Variants in PCNA observed in about 807,000 individuals in gnomAD.
PCNA encodes the protein DNA sliding clamp PCNA.
A neutral mutation model predicts 27.8 loss-of-function variants in PCNA; 4 were observed. The observed-to-expected ratio is 0.14, with a 90% CI of 0.07 to 0.33. The LOEUF is 0.33. PCNA is among the 10% of genes least tolerant of loss of function. The pLI is 1.00. For missense variants in PCNA, 165 were observed against 327.4 expected (o/e 0.50, Z 3.83); for synonymous variants, 121 against 119.4 (o/e 1.01, Z -0.09).
At position 5,115,432 on chromosome 20, in the gene PCNA, C is replaced by G; in HGVS notation, c.706+17G>C. On this transcript the variant is annotated intron_variant, in intron 5 of 5. Coordinates refer to ENST00000379143, the MANE Select transcript of PCNA (RefSeq NM_182649.2). ...ATATGACTACCTACAAAACAAGGTT[C>G]AAATTTATTATCTTACCAAGGGGTA... 8 of 1,613,958 alleles carry G rather than the reference C, an allele frequency of 5.0e-6. No individual in the cohort carries two copies. The highest frequency in any genetic ancestry group is 6.8e-6 in the Non-Finnish European group (8 of 1,179,938).
At chr20:5,123,532 TA>T (rs1283086695), upstream of PCNA, among the ~76,000 whole-genome samples, 1 of 151,934 alleles carries the variant, frequency 6.6e-6, no homozygotes, top group Non-Finnish European at 1.5e-5. Flanking sequence ...CCGTCTCTAC[TA>T]AAAATACAAA....
upstream of PCNA, chr20:5,120,027 A>G: frequency 1.8e-6 from 1 of 559,226 alleles, no homozygotes; most frequent in Non-Finnish European, 3.2e-6. Context: ...TGTCCAGCCC[A>G]CGGCCTTGCG....
At chr20:5,123,115 T>G (rs535963549), upstream of PCNA, among the ~76,000 whole-genome samples, 13 of 152,280 alleles carry the variant, frequency 8.5e-5, no homozygotes, top group East Asian at 2.5e-3. Flanking sequence ...TCAGCATACT[T>G]GGAATATATT....
chr20:5,116,111 C>CTTTTA (rs2090473005), intron 4 of PCNA, among the ~76,000 whole-genome samples: 3 of 152,124 alleles, frequency 2.0e-5, no homozygotes, highest in African/African-American at 7.2e-5. Context: ...CTCTGGAAAA[C>CTTTTA]TTAATAAATG....
At chr20:5,126,613 C>G (rs1474469061) in exon 1 of PCNA, 1 of 152,670 alleles carries the variant, frequency 6.6e-6, no homozygotes, top group African/African-American at 2.4e-5. Context: ...GGCGCCAGCT[C>G]CGGCCATCCG....
chr20:5,120,438 G>A (rs182752263), upstream of PCNA, among the ~76,000 whole-genome samples: 639 of 152,298 alleles, frequency 4.2e-3, 1 homozygote, highest in Admixed American at 7.3e-3. Flanking sequence ...GAATTGTTCT[G>A]TTAAACTTAG....
chr20:5,119,744 G>T lies in PCNA; in HGVS notation c.55C>A (p.Leu19Ile). 2 of 1,590,340 alleles carry T rather than the reference G, an allele frequency of 1.3e-6. No homozygotes were observed. Among genetic ancestry groups the T allele is most frequent in the Non-Finnish European group, 1.7e-6 (2 of 1,168,446 alleles). ...GSILKKVLEA[L>I]KDLINEACWD... ...CAGGCCTCGTTGATGAGGTCCTTGA[G>T]TGCCTCCAACACCTTCTTGAGGATG... Residue 19 changes from leucine (L) to isoleucine (I), a missense_variant, in exon 1 of 6, where the codon CTC becomes ATC. By Grantham distance (5) the Leu-to-Ile change is conservative (BLOSUM62 2). Coordinates refer to ENST00000379143, the MANE Select transcript of PCNA (RefSeq NM_182649.2).
In PCNA at chr20:5,125,864, G is replaced by T. The variant is rs546008082; in HGVS notation, c.-117+636C>A. On this transcript the variant is annotated intron_variant, in intron 1 of 6. Coordinates refer to the PCNA transcript ENST00000379160. ...ACAATGGATGTGTCAAAGACATAGAGGATGCACAGTAAACAAAGTAGACAG... is the reference window on the plus strand; with the variant it reads ...ACAATGGATGTGTCAAAGACATAGATGATGCACAGTAAACAAAGTAGACAG... Among the ~76,000 whole-genome samples, 62 of 152,266 alleles carry T rather than the reference G, an allele frequency of 4.1e-4. No homozygotes were observed. In the South Asian group the frequency reaches 6.8e-3, roughly 17 times the overall value.
At chr20:5,122,044 T>G (rs569059843), upstream of PCNA, among the ~76,000 whole-genome samples, 56 of 151,854 alleles carry the variant, frequency 3.7e-4, no homozygotes, top group African/African-American at 1.4e-3. Context: ...TGCAGTGGTG[T>G]GATCTTGGCT....
At chr20:5,121,903 G>A (rs1173759370), upstream of PCNA, among the ~76,000 whole-genome samples, 2 of 151,900 alleles carry the variant, frequency 1.3e-5, no homozygotes, top group African/African-American at 2.4e-5. Flanking sequence ...GAGATTACAG[G>A]CATGAGCCAC....
chr20:5,115,719 A>G, intron 4 of PCNA, 147 bp from the exon 5 acceptor site: 1 of 575,948 alleles, frequency 1.7e-6, no homozygotes, highest in Non-Finnish European at 3.0e-6. Context: ...ATAAAGCAAA[A>G]GACTCGATTA....
chr20:5,124,443 C>T (rs959694286), upstream of PCNA, among the ~76,000 whole-genome samples: 2 of 152,014 alleles, frequency 1.3e-5, no homozygotes, highest in Admixed American at 6.6e-5. Context: ...CAAAACCAGC[C>T]TGACCTAAAA....
chr20:5,123,694 CAAA>C (rs79962697), upstream of PCNA, among the ~76,000 whole-genome samples: 5 of 87,492 alleles, frequency 5.7e-5, no homozygotes, highest in Non-Finnish European at 4.8e-5. Context: ...ACCTCCATCT[CAAA>C]AAAAAAAAAA....
upstream of PCNA, among the ~76,000 whole-genome samples, chr20:5,120,422 A>G (rs1373971078): frequency 6.6e-6 from 1 of 152,218 alleles, no homozygotes. Context: ...CACAAGATAA[A>G]GAGGTGAATT....
In PCNA at chr20:5,119,949, A is replaced by G; in HGVS notation, c.-151T>C. On this transcript the variant is annotated 5_prime_UTR_variant, in exon 1 of 6. Coordinates refer to ENST00000379143, the MANE Select transcript of PCNA (RefSeq NM_182649.2). ...CAACGACCACTCTGCTACGCCTGCA[A>G]CCGTTTAATGCCGCCGCGTCCGCAA... The G allele has an allele frequency of 1.6e-6, 1 of 644,244 alleles. No individual in the cohort carries two copies. The highest frequency in any genetic ancestry group is 2.7e-5 in the East Asian group (1 of 36,462). 39.9% of individuals were successfully genotyped at this position (644,244 alleles called of 1,614,324 possible). A position where few individuals can be genotyped will look rare whatever the true frequency, so the allele number is the denominator to read the frequency against.
chr20:5,116,137 C>T, intron 4 of PCNA, among the ~76,000 whole-genome samples: 1 of 152,158 alleles, frequency 6.6e-6, no homozygotes, highest in East Asian at 1.9e-4. Flanking sequence ...ATTTCTTCAA[C>T]AAATAGATTG....
Position 5,118,696 on chromosome 20 carries a change from T to C in PCNA, c.320-19A>G, listed in dbSNP as rs774056315. On this transcript the variant is annotated intron_variant, in intron 2 of 5. Coordinates refer to ENST00000379143, the MANE Select transcript of PCNA (RefSeq NM_182649.2). The stretch of plus-strand genomic sequence containing the variant: ...TCCTGGTCTACCAAAAGAAAGCAGA[T>C]GCTTTTGAGAAATACTGACACAGAG... The C allele has an allele frequency of 6.2e-7, 1 of 1,612,228 alleles. No individual in the cohort carries two copies. The highest frequency in any genetic ancestry group is 8.5e-7 in the Non-Finnish European group (1 of 1,178,220).
chr20:5,116,514 T>C (rs2090476503), intron 4 of PCNA, among the ~76,000 whole-genome samples: 4 of 152,266 alleles, frequency 2.6e-5, no homozygotes. Context: ...CAATATATAG[T>C]ATTTATTGTA....
intron 1 of PCNA, 141 bp from the exon 2 acceptor site, chr20:5,119,007 G>A (rs532302010): frequency 1.9e-5 from 12 of 633,646 alleles, no homozygotes; most frequent in South Asian, 1.9e-4. Context: ...GCTGGAGGAT[G>A]CCATTATTAA....
Sources: allele counts gnomAD v4.1 joint callset (sites outside exome capture counted in the v4.1 genomes callset), GRCh38; gene constraint gnomAD v4.1.1; transcripts MANE v1.5; gene names NCBI Gene and HGNC (gene_info 2026-07-23, HGNC 2026-07-21).